Variants in PDZRN4 observed in about 807,000 individuals in gnomAD.
PDZRN4 encodes PDZ domain-containing RING finger protein 4.
PDZRN4 carries 70 observed loss-of-function variants against 99.0 expected under a neutral mutation model. The observed-to-expected ratio is 0.71, with a 90% CI of 0.58 to 0.86. The LOEUF is 0.86. Ranked by LOEUF, PDZRN4 falls within the 40% of genes least tolerant of loss-of-function variation. The probability of loss-of-function intolerance (pLI) is 0.00; values close to 1 mark genes in which losing one functional copy is unlikely to be tolerated. For missense variants in PDZRN4, 1,474 were observed against 1,331.2 expected, an observed-to-expected ratio of 1.11 and a Z score of -1.67; for synonymous variants, 551 against 501.6, an observed-to-expected ratio of 1.10 and a Z score of -1.32.
intron 3 of PDZRN4, among the ~76,000 whole-genome samples, chr12:41,331,747 G>C (rs1951742059): frequency 6.6e-6 from 1 of 152,068 alleles, no homozygotes; most frequent in African/African-American, 2.4e-5. Context: ...TACAATCATG[G>C]TGAAAGGCAC....
intron 3 of PDZRN4, among the ~76,000 whole-genome samples, chr12:41,428,648 ATG>A (rs1262073727): frequency 1.3e-5 from 2 of 152,190 alleles, no homozygotes; most frequent in African/African-American, 4.8e-5. Flanking sequence ...GTATGTGTGT[ATG>A]ATAGCAAGAG....
chr12:41,552,441 T>TA (rs1174262326), intron 5 of PDZRN4, among the ~76,000 whole-genome samples: 1 of 152,000 alleles, frequency 6.6e-6, no homozygotes, highest in African/African-American at 2.4e-5. Flanking sequence ...TCTCCAAACT[T>TA]ACAACAAAAA....
intron 3 of PDZRN4, among the ~76,000 whole-genome samples, chr12:41,387,029 C>T (rs1952174972): frequency 6.6e-6 from 1 of 152,078 alleles, no homozygotes; most frequent in Non-Finnish European, 1.5e-5. Context: ...TGGAAGACCA[C>T]CTAGGCAATA....
chr12:41,188,881 CGGGGGCGCGCGCG>C lies in PDZRN4; in HGVS notation c.433_445del (p.Ala145ArgfsTer79), dbSNP rs1267657277. On this transcript the variant is annotated frameshift_variant, in exon 1 of 10. Transcript: ENST00000402685. LOFTEE classifies it high-confidence loss of function. ...GTCCGACACCCAGGGCTGGCCGGGG[CGGGGGCGCGCGCG>C]GGGGGCCGCCGGGCGGCCGCTGGGG... The C allele has an allele frequency of 9.1e-7, 1 of 1,099,238 alleles. No individual in the cohort carries two copies. The highest frequency in any genetic ancestry group is 1.1e-6 in the Non-Finnish European group (1 of 904,330). 68.1% of individuals were successfully genotyped at this position (1,099,238 alleles called of 1,614,324 possible).
chr12:41,381,037 AC>A (rs1952121481), intron 3 of PDZRN4, among the ~76,000 whole-genome samples: 1 of 152,094 alleles, frequency 6.6e-6, no homozygotes, highest in African/African-American at 2.4e-5. Context: ...AATATTTTAA[AC>A]ATATCACCCC....
chr12:41,470,099 C>T lies in PDZRN4; in HGVS notation c.844-36357C>T, dbSNP rs186312609. ...TCATTTATTTTGACTACTTGAAGGC[C>T]TTTAAAATCTTATTTCTGGGTCTCT... On this transcript the variant is annotated intron_variant, in intron 3 of 9. Transcript: ENST00000402685. Among the ~76,000 whole-genome samples the T allele has an allele frequency of 7.9e-5, 12 of 152,136 alleles. No homozygotes were observed. The East Asian group carries it at 2.3e-3, about 29-fold the overall frequency.
chr12:41,410,151 A>G (rs559460940), intron 3 of PDZRN4, among the ~76,000 whole-genome samples: 101 of 152,324 alleles, frequency 6.6e-4, no homozygotes, highest in African/African-American at 2.2e-3. Flanking sequence ...AGAAAATGAA[A>G]CATTTTAAAA....
chr12:41,270,727 T>G lies in PDZRN4; in HGVS notation c.843+76539T>G, dbSNP rs541823688. The stretch of plus-strand genomic sequence containing the variant: ...CTAACAGGATAGAGATGCAGCCAGT[T>G]GGAAGAAATGATGCAGATTACATGC... On this transcript the variant is annotated intron_variant, in intron 3 of 9. Coordinates refer to ENST00000402685, the MANE Select transcript of PDZRN4 (RefSeq NM_001164595.2). 1.6e-4 allele frequency among the ~76,000 whole-genome samples: 24 copies of G among 152,258 alleles called. No individual in the cohort carries two copies. The South Asian group carries it at 4.3e-3, about 28-fold the overall frequency.
At chr12:41,542,507 G>A (rs186197393) in intron 5 of PDZRN4, among the ~76,000 whole-genome samples, 35 of 152,238 alleles carry the variant, frequency 2.3e-4, no homozygotes, top group African/African-American at 7.9e-4. Flanking sequence ...ATTTCATCTG[G>A]ATAATACGCT....
At chr12:41,302,521 A>G (rs534811118) in intron 3 of PDZRN4, among the ~76,000 whole-genome samples, 1 of 152,296 alleles carries the variant, frequency 6.6e-6, no homozygotes, top group African/African-American at 2.4e-5. Context: ...TAAGGATACT[A>G]TTGAGAACCA....
chr12:41,206,563 A>T (rs1468172189), intron 3 of PDZRN4, among the ~76,000 whole-genome samples: 1 of 151,526 alleles, frequency 6.6e-6, no homozygotes, highest in Non-Finnish European at 1.5e-5. Context: ...TTAATAATTT[A>T]TTAAGGAGCT....
At chr12:41,231,863 A>G (rs2120756591) in intron 3 of PDZRN4, among the ~76,000 whole-genome samples, 1 of 152,182 alleles carries the variant, frequency 6.6e-6, no homozygotes, top group South Asian at 2.1e-4. Context: ...TTATTGTTGA[A>G]GTTATTCTGA....
intron 3 of PDZRN4, among the ~76,000 whole-genome samples, chr12:41,274,844 C>T (rs1231935509): frequency 1.3e-5 from 2 of 152,124 alleles, no homozygotes; most frequent in Non-Finnish European, 2.9e-5. Flanking sequence ...TACTGAATCA[C>T]TGGACTCGCC....
rs35470087 is a variant in PDZRN4, at chr12:41,490,060, T to TAA, written c.844-16388_844-16387dup. On this transcript the variant is annotated intron_variant, in intron 3 of 9. Coordinates refer to ENST00000402685, the MANE Select transcript of PDZRN4 (RefSeq NM_001164595.2). ...TTTACCACTTGTTGTGTGACCTTAG[T>TAA]AAAAAAAAATCAATTAAACCAATAT... is the stretch of plus-strand genomic sequence containing the variant. Among the ~76,000 whole-genome samples the TAA allele has an allele frequency of 5.3e-5, 8 of 151,514 alleles. No individual in the cohort carries two copies. The East Asian group carries it at 1.2e-3, about 22-fold the overall frequency.
chr12:41,282,512 C>A (rs1951394363), intron 3 of PDZRN4, among the ~76,000 whole-genome samples: 2 of 152,062 alleles, frequency 1.3e-5, no homozygotes, highest in African/African-American at 4.8e-5. Flanking sequence ...CAGCTCTGGA[C>A]CAAGCAGACC....
chr12:41,239,647 G>A (rs1185273720), intron 3 of PDZRN4, among the ~76,000 whole-genome samples: 6 of 152,096 alleles, frequency 3.9e-5, no homozygotes, highest in Non-Finnish European at 5.9e-5. Context: ...GGTAAGAAAG[G>A]TGACAAAAGA....
intron 8 of PDZRN4, among the ~76,000 whole-genome samples, chr12:41,565,616 C>G (rs899626486): frequency 6.6e-6 from 1 of 151,660 alleles, no homozygotes; most frequent in Non-Finnish European, 1.5e-5. Context: ...TTCAAATACT[C>G]TCTAGATTCT....
intron 3 of PDZRN4, among the ~76,000 whole-genome samples, chr12:41,424,043 T>C (rs1952513695): frequency 6.6e-6 from 1 of 152,190 alleles, no homozygotes; most frequent in South Asian, 2.1e-4. Context: ...GTTCCTCATG[T>C]TTTGGAAATG....
intron 3 of PDZRN4, among the ~76,000 whole-genome samples, chr12:41,275,957 G>A (rs1203682298): frequency 6.6e-6 from 1 of 152,102 alleles, no homozygotes; most frequent in Admixed American, 6.6e-5. Context: ...TGTGAGTTTC[G>A]GAGTTGGGTA....
Sources: allele counts gnomAD v4.1 joint callset (sites outside exome capture counted in the v4.1 genomes callset), GRCh38; gene constraint gnomAD v4.1.1; transcripts MANE v1.5; gene names NCBI Gene and HGNC (gene_info 2026-07-23, HGNC 2026-07-21).